The following TPI1 variants were observed in gnomAD, a reference collection of about 807,000 sequenced individuals.
TPI1 encodes triosephosphate isomerase.
Under a neutral mutation model 31.0 loss-of-function variants are expected in TPI1, and 11 were observed. The ratio of observed to expected loss-of-function variants is 0.36; its 90% CI spans 0.22 to 0.59. TPI1 has a LOEUF of 0.59. TPI1 is among the 20% of genes least tolerant of loss of function. TPI1 has a pLI of 0.79. For synonymous variants in TPI1, 121 were observed against 122.8 expected, an observed-to-expected ratio of 0.99 and a Z score of 0.10; for missense variants, 245 against 319.7, an observed-to-expected ratio of 0.77 and a Z score of 1.78.
At chr12:6,868,126 C>G in intron 1 of TPI1, 2 of 1,271,758 alleles carry the variant, frequency 1.6e-6, no homozygotes, top group Non-Finnish European at 2.0e-6. Context: ...CGCCGGCGTC[C>G]GCGTCCCCGC....
Position 6,870,921 on chromosome 12 carries a change from A to G in TPI1, c.*538A>G, listed in dbSNP as rs1565539332. The G allele has an allele frequency of 1.5e-6, 1 of 650,370 alleles. No homozygotes were observed. The allele number at this position is 650,370 out of a possible 1,614,324, so 40.3% of individuals were successfully genotyped here. The stretch of plus-strand genomic sequence containing the variant: ...TGATCATTTGTGCAAGAAAAAAAAA[A>G]AAACAAGAACAGGTTTCTATAACAA... On this transcript the variant is annotated 3_prime_UTR_variant, in exon 7 of 7. Transcript: ENST00000396705.
rs1555132329 is a variant in TPI1 at position 6,869,640 on chromosome 12, A to G, written c.458-48A>G. On this transcript the variant is annotated intron_variant, in intron 4 of 6. Coordinates refer to ENST00000396705, the MANE Select transcript of TPI1 (RefSeq NM_000365.6). ...CGTACTCCGGAGAACCTGGCTGGAGAGCTCTTTCTTGTTCACCCTTCCCTC... is the reference window on the plus strand; with the variant it reads ...CGTACTCCGGAGAACCTGGCTGGAGGGCTCTTTCTTGTTCACCCTTCCCTC... 7 of 1,603,598 alleles carry G rather than the reference A, an allele frequency of 4.4e-6. No homozygotes were observed. The South Asian group carries it at 7.7e-5, about 18-fold the overall frequency.
At chr12:6,869,558 T>C in intron 4 of TPI1, 130 bp from the exon 5 acceptor site, 15 of 1,458,722 alleles carry the variant, frequency 1.0e-5, no homozygotes, top group Non-Finnish European at 1.2e-5. Context: ...AGCCCCAAGG[T>C]AGATGCCACC....
At chr12:6,869,992 G>T in intron 5 of TPI1, 57 bp from the exon 6 acceptor site, 1 of 1,589,728 alleles carries the variant, frequency 6.3e-7, no homozygotes, top group South Asian at 1.1e-5. Flanking sequence ...TGGTGCCAGT[G>T]ATTTTTCCTC....
intron 4 of TPI1, 149 bp downstream of exon 4, chr12:6,869,539 G>C (rs2071067): frequency 0.027 from 40,554 of 1,481,246 alleles, 4,172 homozygotes; most frequent in East Asian, 0.26. Context: ...TGGGGCCTAT[G>C]ACTTCTCCAG....
intron 1 of TPI1, 50 bp downstream of exon 1, chr12:6,867,731 G>A (rs1555131622): frequency 6.6e-7 from 1 of 1,515,828 alleles, no homozygotes; most frequent in Non-Finnish European, 8.8e-7. Context: ...CGGGGCCGGG[G>A]CAGGAGTGGC....
Position 6,869,244 on chromosome 12 carries a change from C to T in TPI1, c.325-14C>T. 1.2e-6 allele frequency: 2 copies of T among 1,614,120 alleles called. No individual in the cohort carries two copies. On this transcript the variant is annotated splice_polypyrimidine_tract_variant and intron_variant, in intron 3 of 6. Coordinates refer to ENST00000396705, the MANE Select transcript of TPI1 (RefSeq NM_000365.6). The stretch of plus-strand genomic sequence containing the variant: ...TTCCAAGAAGGATGTCTCACCAAGT[C>T]TGTTTCTCAACAGCTGATTGGGCAG...
chr12:6,869,215 C>CT lies in TPI1; in HGVS notation c.324+37dup, dbSNP rs781822291. On this transcript the variant is annotated intron_variant, in intron 3 of 6. Coordinates refer to ENST00000396705, the MANE Select transcript of TPI1 (RefSeq NM_000365.6). ...AGCCAAGAGAGAAGATAAGGGATGTCTTTTTCCAAGAAGGATGTCTCACCA... is the reference window on the plus strand; with the variant it reads ...AGCCAAGAGAGAAGATAAGGGATGTCTTTTTTCCAAGAAGGATGTCTCACCA... 1.9e-6 allele frequency: 3 copies of CT among 1,614,008 alleles called. No homozygotes were observed. The African/African-American group carries it at 4.0e-5, about 22-fold the overall frequency.
chr12:6,869,382 T>TA lies in TPI1; in HGVS notation c.449_450insA (p.Ile151HisfsTer4). Reference sequence around the variant, plus strand: ...AAGGTTGTTTTCGAGCAGACAAAGGTCATCGCAGGTATCTCTGGAGAAAGG... The same window carrying TA: ...AAGGTTGTTTTCGAGCAGACAAAGGTACATCGCAGGTATCTCTGGAGAAAGG... On this transcript the variant is annotated frameshift_variant, in exon 4 of 7. Transcript: ENST00000396705. LOFTEE classifies it high-confidence loss of function. 6.2e-7 allele frequency: 1 copy of TA among 1,613,912 alleles called. No homozygotes were observed. Among genetic ancestry groups the TA allele is most frequent in the Non-Finnish European group, 8.5e-7 (1 of 1,179,974 alleles).
At chr12:6,870,205 G>A in intron 6 of TPI1, 60 bp from the exon 7 acceptor site, 1 of 1,598,586 alleles carries the variant, frequency 6.3e-7, no homozygotes, top group South Asian at 1.1e-5. Flanking sequence ...GGACATGGAG[G>A]TGGGGATGGG....
intron 1 of TPI1, chr12:6,868,058 C>A: frequency 8.2e-7 from 1 of 1,224,250 alleles, no homozygotes; most frequent in Non-Finnish European, 1.0e-6. Flanking sequence ...CCGCTCCCTG[C>A]GCCCTGGCCT....
In TPI1 at chr12:6,870,580, T is replaced by TA. The variant is rs781970835; in HGVS notation, c.*198dup. On this transcript the variant is annotated 3_prime_UTR_variant, in exon 7 of 7. Transcript: ENST00000396705. The stretch of plus-strand genomic sequence containing the variant: ...GGACCAGGCCAATCCCTTCTCCACT[T>TA]ACTATAATGGTTGGAACTAAACGTC... The TA allele has an allele frequency of 6.7e-6, 5 of 748,194 alleles. No individual in the cohort carries two copies. The highest frequency in any genetic ancestry group is 2.5e-5 in the East Asian group (1 of 39,364). The allele number at this position is 748,194 out of a possible 1,614,324, so 46.3% of individuals were successfully genotyped here. A position where few individuals can be genotyped will look rare whatever the true frequency, so the allele number is the denominator to read the frequency against.
At position 6,867,536 on chromosome 12, in the gene TPI1, C is replaced by G. The variant is rs200692430; in HGVS notation, c.-31C>G. 7 of 1,607,992 alleles carry G rather than the reference C, an allele frequency of 4.4e-6. No homozygotes were observed. The highest frequency in any genetic ancestry group is 1.3e-5 in the African/African-American group (1 of 74,878). On this transcript the variant is annotated 5_prime_UTR_variant, in exon 1 of 7. Coordinates refer to ENST00000396705, the MANE Select transcript of TPI1 (RefSeq NM_000365.6). ...GGCAGTGGCCGCGACTGCGCGCAGACACTGACCTTCAGCGCCTCGGCTCCA... is the reference window on the plus strand; with the variant it reads ...GGCAGTGGCCGCGACTGCGCGCAGAGACTGACCTTCAGCGCCTCGGCTCCA...
intron 5 of TPI1, 22 bp from the exon 6 acceptor site, chr12:6,870,027 T>TTTTCTTGTTC: frequency 6.2e-7 from 1 of 1,613,914 alleles, no homozygotes; most frequent in Non-Finnish European, 8.5e-7. Flanking sequence ...AAGGTCTTAC[T>TTTTCTTGTTC]TAGGCCAGCT....
intron 5 of TPI1, 55 bp downstream of exon 5, chr12:6,869,828 C>T (rs1158764340): frequency 6.3e-7 from 1 of 1,584,696 alleles, no homozygotes; most frequent in African/African-American, 1.3e-5. Context: ...TAGGTTTGGA[C>T]AGACACAGCC....
Position 6,869,559 on chromosome 12 carries a change from A to G in TPI1, c.458-129A>G, listed in dbSNP as rs1045767989. 1.6e-5 allele frequency: 24 copies of G among 1,457,174 alleles called. No individual in the cohort carries two copies. The African/African-American group carries it at 3.2e-4, about 20-fold the overall frequency. 90.3% of individuals were successfully genotyped at this position (1,457,174 alleles called of 1,614,324 possible). ...CCTATGACTTCTCCAGCCCCAAGGT[A>G]GATGCCACCTGGAAATCCCCCAATG... On this transcript the variant is annotated intron_variant, in intron 4 of 6. Coordinates refer to ENST00000396705, the MANE Select transcript of TPI1 (RefSeq NM_000365.6).
chr12:6,868,438 A>C (rs1555131917), intron 1 of TPI1: 3 of 1,289,572 alleles, frequency 2.3e-6, no homozygotes, highest in Admixed American at 4.6e-5. Flanking sequence ...TTCATTCCCC[A>C]GAGGCCTCAA....
At chr12:6,869,511 G>A in intron 4 of TPI1, 121 bp downstream of exon 4, 1 of 1,541,294 alleles carries the variant, frequency 6.5e-7, no homozygotes, top group African/African-American at 1.4e-5. Flanking sequence ...AAGGGGAGGG[G>A]GAGTGACAAT....
chr12:6,869,919 GGGCCT>G (rs2138094218), intron 5 of TPI1, 125 bp from the exon 6 acceptor site: 1 of 1,389,342 alleles, frequency 7.2e-7, no homozygotes, highest in East Asian at 2.3e-5. Flanking sequence ...ATCCAGTCCA[GGGCCT>G]GGCTTGGATC....
Sources: allele counts gnomAD v4.1 joint callset, GRCh38; gene constraint gnomAD v4.1.1; transcripts MANE v1.5; gene names NCBI Gene and HGNC (gene_info 2026-07-23, HGNC 2026-07-21).